The following BICRA variants were observed in gnomAD, a reference collection of about 807,000 sequenced individuals.
BICRA encodes the protein BRD4 interacting chromatin remodeling complex associated protein, also known as BRD4-interacting chromatin-remodeling complex-associated protein.
Under a neutral mutation model 96.9 loss-of-function variants are expected in BICRA, and 31 were observed. The ratio of observed to expected loss-of-function variants is 0.32; its 90% CI spans 0.24 to 0.43. The LOEUF (loss-of-function observed/expected upper bound fraction) is 0.43. Among genes scored for constraint, BICRA ranks in the 20% least tolerant of loss-of-function variants. The probability of loss-of-function intolerance (pLI) is 1.00; values close to 1 mark genes in which losing one functional copy is unlikely to be tolerated. For missense variants in BICRA, 2,283 were observed against 2,190.3 expected, an observed-to-expected ratio of 1.04 and a Z score of -0.84; for synonymous variants, 1,350 against 1,071.8, an observed-to-expected ratio of 1.26 and a Z score of -5.07.
At position 47,675,880 on chromosome 19, in the gene BICRA, C is replaced by T. The variant is rs774987908; in HGVS notation, c.114C>T (p.Pro38=). Residue 38 remains proline, a synonymous_variant, in exon 5 of 15, where the codon CCC becomes CCT. Coordinates refer to ENST00000594866, the MANE Select transcript of BICRA (RefSeq NM_001394372.1). This position sits in a 1 kb window ranked among gnomAD's most constrained non-coding sequence, Gnocchi z 4.7. ...KLDSDDLLDN[P]GEAQSAFYEG... is the part of the protein sequence containing the mutation. ...ACAGTGATGACCTCCTGGATAATCC[C>T]GGGGAGGCCCAAAGTGCCTTCTATG... 52 of 1,608,212 alleles carry T rather than the reference C, an allele frequency of 3.2e-5. No homozygotes were observed. The highest frequency in any genetic ancestry group is 3.8e-5 in the Non-Finnish European group (45 of 1,177,226).
rs757474929 is a variant in BICRA at position 47,695,018 on chromosome 19, C to T, written c.3014C>T (p.Ala1005Val). The T allele has an allele frequency of 2.6e-6, 4 of 1,519,646 alleles. No individual in the cohort carries two copies. The highest frequency in any genetic ancestry group is 2.4e-5 in the East Asian group (1 of 41,650). 94.1% of individuals were successfully genotyped at this position (1,519,646 alleles called of 1,614,324 possible). A position where few individuals can be genotyped will look rare whatever the true frequency, so the allele number is the denominator to read the frequency against. The change falls in exon 9 of 15, where the codon GCC (alanine) becomes GTC (valine). Residue 1005 changes from alanine to valine, a missense_variant. Ala to Val is a moderately conservative substitution (Grantham distance 64). Transcript: ENST00000594866. ...PAASVLVSGQAPSGTPTAPSH... is the reference protein window; with the variant it reads ...PAASVLVSGQVPSGTPTAPSH... Reference sequence around the variant, plus strand: ...GCGTCTGTGCTGGTCAGTGGGCAGGCCCCATCTGGGACCCCCACTGCCCCC... The same window carrying T: ...GCGTCTGTGCTGGTCAGTGGGCAGGTCCCATCTGGGACCCCCACTGCCCCC...
chr19:47,694,343 CA>C lies in BICRA; in HGVS notation c.2516del (p.Asn839ThrfsTer3). 11 of 1,296,494 alleles carry C rather than the reference CA, an allele frequency of 8.5e-6. No homozygotes were observed. Among genetic ancestry groups the C allele is most frequent in the African/African-American group, 1.5e-5 (1 of 65,864 alleles). The allele number at this position is 1,296,494 out of a possible 1,614,324, so 80.3% of individuals were successfully genotyped here. A position where few individuals can be genotyped will look rare whatever the true frequency, so the allele number is the denominator to read the frequency against. Reference protein sequence around the residue: ...PPTLPGIFVIQNQLGVPPPAS... With the variant: ...PPTLPGIFVIXNQLGVPPPAS... ...AACTCTGCCTGGCATCTTTGTCATC[CA>C]AAACCAGCTAGGCGTTCCCCCGCCT... On this transcript the variant is annotated frameshift_variant, in exon 8 of 15. Transcript: ENST00000594866. LOFTEE classifies it high-confidence loss of function.
chr19:47,611,435 A>G (rs1051073309), intron 1 of BICRA, among the ~76,000 whole-genome samples: 4 of 152,156 alleles, frequency 2.6e-5, no homozygotes, highest in African/African-American at 4.8e-5. Flanking sequence ...AGGCCTGGCC[A>G]GTGATGGGCT....
At chr19:47,694,825 C>T in intron 8 of BICRA, 75 bp from the exon 9 acceptor site, 1 of 1,228,974 alleles carries the variant, frequency 8.1e-7, no homozygotes. Context: ...GTGATCCTCC[C>T]CAGCCCTGCT....
intron 2 of BICRA, among the ~76,000 whole-genome samples, chr19:47,673,150 T>TG (rs1416273920): frequency 1.3e-5 from 2 of 152,110 alleles, no homozygotes; most frequent in East Asian, 3.9e-4. Context: ...GAGCCAGGCT[T>TG]CCTAGGTTCC....
In BICRA at chr19:47,638,812, G is replaced by T. The variant is rs569994967; in HGVS notation, c.-108+29644G>T. Among the ~76,000 whole-genome samples the T allele has an allele frequency of 4.6e-5, 7 of 151,918 alleles. No homozygotes were observed. In the South Asian group the frequency reaches 1.5e-3, roughly 32 times the overall value. ...TGGGATTACAGGTGGCCGCCACCAT[G>T]CCCGGCTAGTATTTGTATTTTCAGT... On this transcript the variant is annotated intron_variant, in intron 1 of 14. Transcript: ENST00000594866.
intron 2 of BICRA, among the ~76,000 whole-genome samples, chr19:47,671,503 T>C (rs566708388): frequency 1.3e-5 from 2 of 152,044 alleles, no homozygotes; most frequent in Non-Finnish European, 2.9e-5. Context: ...GTGTATTGTA[T>C]GTGTCATTGG....
intron 1 of BICRA, among the ~76,000 whole-genome samples, chr19:47,619,170 C>T (rs920604190): frequency 2.8e-5 from 4 of 145,348 alleles, no homozygotes; most frequent in African/African-American, 1.0e-4. Flanking sequence ...CTTACTCTTT[C>T]GTGGACAGTG....
chr19:47,674,703 G>T lies in BICRA; in HGVS notation c.84+941G>T, dbSNP rs144857374. The stretch of plus-strand genomic sequence containing the variant: ...TCCACCAGGACTCATTCCTGTGGCT[G>T]TTGGCAGGAGGCCTCAGTTCCTCAC... On this transcript the variant is annotated intron_variant, in intron 4 of 14. Coordinates refer to ENST00000594866, the MANE Select transcript of BICRA (RefSeq NM_001394372.1). Among the ~76,000 whole-genome samples, 407 of 152,316 alleles carry T rather than the reference G, an allele frequency of 2.7e-3. 3 individuals are homozygous for T. The highest frequency in any genetic ancestry group is 0.01 in the Middle Eastern group (3 of 294).
chr19:47,691,431 C>A (rs982473824), intron 7 of BICRA, among the ~76,000 whole-genome samples: 4 of 152,208 alleles, frequency 2.6e-5, no homozygotes, highest in Non-Finnish European at 4.4e-5. Flanking sequence ...CCACGTCTAC[C>A]CATTGTCAGC....
At position 47,680,742 on chromosome 19, in the gene BICRA, G is replaced by A. The variant is rs1477989418; in HGVS notation, c.1572G>A (p.Leu524=). 1 of 1,607,566 alleles carries A rather than the reference G, an allele frequency of 6.2e-7. No individual in the cohort carries two copies. The highest frequency in any genetic ancestry group is 1.3e-5 in the African/African-American group (1 of 74,720). The change falls in exon 6 of 15, where the codon CTG becomes CTA. Residue 524 remains leucine (L), a synonymous_variant. Transcript: ENST00000594866. ...CAAACCAGAACCTGGCGGGCCCACT[G>A]AGCCTGGGCCCCGTGTTGGCCCCCC... is the stretch of plus-strand genomic sequence containing the variant. The part of the protein sequence containing the change: ...ILTNQNLAGP[L]SLGPVLAPHS...
intron 1 of BICRA, among the ~76,000 whole-genome samples, chr19:47,658,593 C>A (rs1246723152): frequency 6.8e-6 from 1 of 146,822 alleles, no homozygotes; most frequent in Non-Finnish European, 1.5e-5. Context: ...AATCATGCCA[C>A]TGCGCTCCAG....
intron 4 of BICRA, among the ~76,000 whole-genome samples, chr19:47,674,006 G>A (rs1184485500): frequency 1.3e-5 from 2 of 152,202 alleles, no homozygotes; most frequent in African/African-American, 4.8e-5. Context: ...GGACCATGTA[G>A]AGTATGATAA....
In BICRA at chr19:47,699,778, C is replaced by T. The variant is rs1434605857; in HGVS notation, c.3595+373C>T. ...GCTTGGGGACCCTGAGAGTGAGCAC[C>T]TCCTTAAGTGTTGCACCTTAGGTGG... On this transcript the variant is annotated intron_variant, in intron 14 of 14. Transcript: ENST00000594866. The surrounding 1 kb of genome is among the most constrained non-coding windows in gnomAD (Gnocchi z 5.0). 6.6e-6 allele frequency among the ~76,000 whole-genome samples: 1 copy of T among 152,158 alleles called. No individual in the cohort carries two copies. Among genetic ancestry groups the T allele is most frequent in the Admixed American group, 6.6e-5 (1 of 15,264 alleles).
chr19:47,624,833 G>A (rs577447685), intron 1 of BICRA, among the ~76,000 whole-genome samples: 17 of 151,848 alleles, frequency 1.1e-4, no homozygotes, highest in Admixed American at 2.6e-4. Context: ...AGTTGGGACC[G>A]CAGGCATGTG....
In BICRA at chr19:47,694,513, G is replaced by GTCC; in HGVS notation, c.2686_2688dup (p.Ser896dup). ...CTGCTGTGGCCTCCTCCTCTGAGAC[G>GTCC]TCCTCCAGGTTGCCAGCCCCTACGC... On this transcript the variant is annotated inframe_insertion, in exon 8 of 15. Coordinates refer to ENST00000594866, the MANE Select transcript of BICRA (RefSeq NM_001394372.1). 1 of 1,547,018 alleles carries GTCC rather than the reference G, an allele frequency of 6.5e-7. No individual in the cohort carries two copies.
chr19:47,656,115 GAATA>G (rs72229009), intron 1 of BICRA, among the ~76,000 whole-genome samples: 49,471 of 143,252 alleles, frequency 0.35, 8,604 homozygotes, highest in East Asian at 0.59. Context: ...CACACACTCT[GAATA>G]AATAAGTAAA....
Position 47,702,579 on chromosome 19 carries a change from C to A in BICRA, c.*164C>A. ...CCTCCTTCCCTGCCGCCTGCTTCAG[C>A]TGGGTTGCTGGGGGGTGGGCGTGGA... On this transcript the variant is annotated 3_prime_UTR_variant, in exon 15 of 15. Transcript: ENST00000594866. The A allele has an allele frequency of 1.3e-6, 1 of 799,378 alleles. No homozygotes were observed. The highest frequency in any genetic ancestry group is 2.2e-5 in the South Asian group (1 of 45,410). The allele number at this position is 799,378 out of a possible 1,614,324, so 49.5% of individuals were successfully genotyped here.
chr19:47,694,308 A>G lies in BICRA; in HGVS notation c.2477A>G (p.Gln826Arg). 1 of 221,930 alleles carries G rather than the reference A, an allele frequency of 4.5e-6. No homozygotes were observed. The highest frequency in any genetic ancestry group is 4.5e-5 in the South Asian group (1 of 22,064). The allele number at this position is 221,930 out of a possible 1,614,324, so 13.7% of individuals were successfully genotyped here. A position where few individuals can be genotyped will look rare whatever the true frequency, so the allele number is the denominator to read the frequency against. ...EPPLHPCPPP[Q>R]APPTLPGIFV... ...CCCTTGCACCCTTGCCCCCCACCCC[A>G]GGCCCCCCCAACTCTGCCTGGCATC... Residue 826 changes from glutamine to arginine, a missense_variant, in exon 8 of 15, where the codon CAG becomes CGG. Physicochemically the swap from Gln to Arg is conservative, Grantham distance 43. Coordinates refer to ENST00000594866, the MANE Select transcript of BICRA (RefSeq NM_001394372.1).
Sources: gnomAD v4.1 joint callset for allele counts (sites outside exome capture counted in the v4.1 genomes callset) on GRCh38, gnomAD v4.1.1 for gene constraint, Gnocchi (gnomAD v3.1) non-coding constraint, MANE v1.5 for transcripts, NCBI Gene and HGNC (gene_info 2026-07-23, HGNC 2026-07-21) for gene names.